Variants in MYO16 observed in about 807,000 individuals in gnomAD.
MYO16 encodes the protein myosin XVI.
Under a neutral mutation model 205.3 loss-of-function variants are expected in MYO16, and 94 were observed. That is an observed-to-expected ratio of 0.46 (90% confidence interval 0.39 to 0.54). The LOEUF (loss-of-function observed/expected upper bound fraction) is 0.54. MYO16 is among the 20% of genes least tolerant of loss of function. The pLI is 0.00. For missense variants in MYO16, 2,315 were observed against 2,387.5 expected (o/e 0.97, Z 0.63); for synonymous variants, 988 against 954.0 (o/e 1.04, Z -0.66).
intron 16 of MYO16, among the ~76,000 whole-genome samples, chr13:108,949,206 A>G (rs1883050218): frequency 6.6e-6 from 1 of 152,176 alleles, no homozygotes; most frequent in Admixed American, 6.5e-5. Flanking sequence ...TGCTTTTTTC[A>G]TACTGATTGA....
At chr13:108,653,089 A>G (rs1214224681) in intron 1 of MYO16, among the ~76,000 whole-genome samples, 1 of 152,202 alleles carries the variant, frequency 6.6e-6, no homozygotes, top group Non-Finnish European at 1.5e-5. Context: ...TCTCTCAGAT[A>G]TGAGGTCATA....
intron 9 of MYO16, among the ~76,000 whole-genome samples, chr13:108,842,645 A>G (rs1011286280): frequency 1.3e-5 from 2 of 152,136 alleles, no homozygotes; most frequent in African/African-American, 2.4e-5. Context: ...CCCCTTGAAC[A>G]CTGTTTGTGG....
intron 20 of MYO16, among the ~76,000 whole-genome samples, chr13:108,991,966 G>T (rs1052567857): frequency 1.3e-5 from 2 of 152,108 alleles, no homozygotes; most frequent in Admixed American, 1.3e-4. Context: ...GCATGTACAG[G>T]TTTGTTACAT....
chr13:109,045,636 G>T (rs917808375), intron 23 of MYO16, among the ~76,000 whole-genome samples: 1 of 152,164 alleles, frequency 6.6e-6, no homozygotes. Flanking sequence ...TTAGGACCTT[G>T]TAACAGCAAA....
At chr13:108,871,354 G>GTGTA (rs1879050257) in intron 12 of MYO16, among the ~76,000 whole-genome samples, 2 of 149,672 alleles carry the variant, frequency 1.3e-5, no homozygotes, top group Non-Finnish European at 3.0e-5. Context: ...GTGTGTGTGT[G>GTGTA]TGTGTGTGTC....
intron 15 of MYO16, among the ~76,000 whole-genome samples, chr13:108,901,770 T>C (rs2139213384): frequency 6.6e-6 from 1 of 152,290 alleles, no homozygotes; most frequent in East Asian, 1.9e-4. Context: ...TTGGTGATCG[T>C]TTTTTATGTT....
chr13:108,964,991 G>C, intron 20 of MYO16, 89 bp downstream of exon 20: 1 of 1,334,700 alleles, frequency 7.5e-7, no homozygotes, highest in African/African-American at 1.5e-5. Context: ...ATATTACAGG[G>C]TAACCAATAA....
chr13:108,646,041 C>T (rs933582890), intron 1 of MYO16, among the ~76,000 whole-genome samples: 7 of 152,310 alleles, frequency 4.6e-5, no homozygotes, highest in Admixed American at 6.5e-5. Context: ...AAGTTTCAGG[C>T]TGACTGTAGG....
chr13:108,758,553 A>G (rs2139651397), intron 4 of MYO16, among the ~76,000 whole-genome samples: 1 of 152,330 alleles, frequency 6.6e-6, no homozygotes, highest in Middle Eastern at 3.4e-3. Flanking sequence ...AGGCAGATGG[A>G]GAAATGCTGG....
chr13:108,553,148 A>T, the MYO16 span, among the ~76,000 whole-genome samples: 2 of 149,866 alleles, frequency 1.3e-5, no homozygotes, highest in African/African-American at 4.9e-5. Flanking sequence ...CCTCCTGAGT[A>T]GCTGGGATTA....
chr13:108,701,962 A>G (rs565927021), intron 2 of MYO16, among the ~76,000 whole-genome samples: 2 of 152,270 alleles, frequency 1.3e-5, no homozygotes, highest in African/African-American at 4.8e-5. Flanking sequence ...AGCTGGCAAA[A>G]CAAGCAGTGA....
At chr13:108,830,659 T>G (rs1876561598) in intron 9 of MYO16, among the ~76,000 whole-genome samples, 1 of 149,376 alleles carries the variant, frequency 6.7e-6, no homozygotes. Flanking sequence ...TACCTAATGC[T>G]AGATGACGAG....
At chr13:109,186,633 AAC>A (rs1399099386) in intron 34 of MYO16, among the ~76,000 whole-genome samples, 21 of 148,564 alleles carry the variant, frequency 1.4e-4, no homozygotes, top group South Asian at 6.5e-4. Context: ...CACACACACA[AAC>A]ACACACAATC....
chr13:108,498,602 T>C, the MYO16 span, among the ~76,000 whole-genome samples: 1 of 152,278 alleles, frequency 6.6e-6, no homozygotes, highest in Admixed American at 6.5e-5. Flanking sequence ...AGAGTGAGCA[T>C]GTGAAGAGAT....
intron 34 of MYO16, among the ~76,000 whole-genome samples, chr13:109,193,191 C>G (rs1286110759): frequency 6.6e-6 from 1 of 152,030 alleles, no homozygotes; most frequent in East Asian, 1.9e-4. Flanking sequence ...TTTGTAACTC[C>G]TAAAAATTCT....
rs1202495333 is a variant in MYO16 at position 109,138,883 on chromosome 13, T to G, written c.4052-1381T>G. ...GCCAGGCTGGAGTGCAGTGGTGCAA[T>G]CTCAGTTCACTGCATCCTCTGCCTC... On this transcript the variant is annotated intron_variant, in intron 31 of 34. Coordinates refer to ENST00000457511, the MANE Select transcript of MYO16 (RefSeq NM_001198950.3). Among the ~76,000 whole-genome samples, 6 of 152,312 alleles carry G rather than the reference T, an allele frequency of 3.9e-5. No individual in the cohort carries two copies. In the East Asian group the frequency reaches 1.2e-3, roughly 29 times the overall value.
intron 4 of MYO16, among the ~76,000 whole-genome samples, chr13:108,768,577 A>C (rs1885857620): frequency 1.3e-5 from 2 of 152,208 alleles, no homozygotes; most frequent in African/African-American, 4.8e-5. Flanking sequence ...TTGTAAGTTC[A>C]GGGCTTTTCC....
At chr13:108,887,701 G>T (rs9559436) in intron 13 of MYO16, among the ~76,000 whole-genome samples, 112,751 of 152,022 alleles carry the variant, frequency 0.74, 42,032 homozygotes, top group East Asian at 0.97. Context: ...GAAAGCAAGC[G>T]GAAAAGGAAA....
At chr13:108,990,157 C>T (rs1244778880) in intron 20 of MYO16, among the ~76,000 whole-genome samples, 1 of 120,514 alleles carries the variant, frequency 8.3e-6, no homozygotes, top group Admixed American at 8.0e-5. Flanking sequence ...TACACACACA[C>T]ACACACACAC....
Sources: allele counts gnomAD v4.1 joint callset (sites outside exome capture counted in the v4.1 genomes callset), GRCh38; gene constraint gnomAD v4.1.1; transcripts MANE v1.5; gene names NCBI Gene and HGNC (gene_info 2026-07-23, HGNC 2026-07-21).